LRP1B: variants seen among roughly 807,000 people sequenced by gnomAD.
LRP1B encodes LDL receptor related protein 1B.
Under a neutral mutation model 556.6 loss-of-function variants are expected in LRP1B, and 217 were observed. The ratio of observed to expected loss-of-function variants is 0.39; its 90% CI spans 0.35 to 0.44. LRP1B has a LOEUF of 0.44. Among genes scored for constraint, LRP1B ranks in the 20% least tolerant of loss-of-function variants. The pLI is 1.00. For missense variants in LRP1B, 5,053 were observed against 5,620.8 expected, an observed-to-expected ratio of 0.90 and a Z score of 3.23; for synonymous variants, 2,047 against 1,865.8, an observed-to-expected ratio of 1.10 and a Z score of -2.50.
intron 1 of LRP1B, among the ~76,000 whole-genome samples, chr2:141,997,482 T>C (rs1702531487): frequency 6.8e-6 from 1 of 146,968 alleles, no homozygotes; most frequent in Non-Finnish European, 1.5e-5. Flanking sequence ...GTAGAACACA[T>C]TTTTATTTTT....
intron 35 of LRP1B, among the ~76,000 whole-genome samples, chr2:140,760,030 G>C (rs1688861984): frequency 6.6e-6 from 1 of 152,146 alleles, no homozygotes; most frequent in Non-Finnish European, 1.5e-5. Context: ...TTCAAAGAAT[G>C]GTTGGAAGAA....
At chr2:141,889,939 C>G (rs981060039) in intron 1 of LRP1B, among the ~76,000 whole-genome samples, 2 of 151,960 alleles carry the variant, frequency 1.3e-5, no homozygotes, top group Non-Finnish European at 2.9e-5. Flanking sequence ...TGACACTGTA[C>G]CACACTGTGA....
chr2:140,364,270 G>A (rs1409782054), intron 72 of LRP1B, among the ~76,000 whole-genome samples: 1 of 151,452 alleles, frequency 6.6e-6, no homozygotes, highest in African/African-American at 2.4e-5. Flanking sequence ...GAAACTATGA[G>A]ATTTTATTAT....
At chr2:142,008,793 C>T (rs542899607) in intron 1 of LRP1B, among the ~76,000 whole-genome samples, 91 of 152,018 alleles carry the variant, frequency 6.0e-4, no homozygotes, top group Non-Finnish European at 1.2e-3. Flanking sequence ...TAGACCCCTG[C>T]CTTACATGTT....
intron 2 of LRP1B, among the ~76,000 whole-genome samples, chr2:141,793,375 C>T (rs1322939878): frequency 2.6e-5 from 4 of 151,850 alleles, no homozygotes; most frequent in Admixed American, 6.6e-5. Context: ...ACTACTTAAA[C>T]ACATTGAACA....
chr2:141,882,525 T>C (rs1017103762), intron 1 of LRP1B, among the ~76,000 whole-genome samples: 1 of 152,100 alleles, frequency 6.6e-6, no homozygotes, highest in Non-Finnish European at 1.5e-5. Flanking sequence ...ATTTTAATAA[T>C]AAACTAAGTT....
intron 7 of LRP1B, among the ~76,000 whole-genome samples, chr2:141,141,161 GATTTATAAGAA>G (rs1240592937): frequency 1.3e-5 from 2 of 152,112 alleles, no homozygotes; most frequent in East Asian, 3.8e-4. Context: ...GAATACAGAA[GATTTATAAGAA>G]CCTCAGTTTA....
At chr2:140,358,792 C>G (rs1208436985) in intron 73 of LRP1B, 29 bp downstream of exon 73, 1 of 1,602,758 alleles carries the variant, frequency 6.2e-7, no homozygotes, top group Admixed American at 1.7e-5. Context: ...ATAGCCATCA[C>G]TGAATTATTT....
chr2:141,499,094 T>C (rs1040323750), intron 2 of LRP1B, among the ~76,000 whole-genome samples: 3 of 152,116 alleles, frequency 2.0e-5, no homozygotes, highest in African/African-American at 7.2e-5. Context: ...CCCTTGTTAA[T>C]AATGTGGTTA....
intron 29 of LRP1B, among the ~76,000 whole-genome samples, chr2:140,842,752 T>C (rs1216135336): frequency 6.6e-6 from 1 of 152,154 alleles, no homozygotes; most frequent in Non-Finnish European, 1.5e-5. Context: ...TGAGAGGCTG[T>C]ATTGATGTAA....
chr2:141,540,938 A>G (rs1685235849), intron 2 of LRP1B, among the ~76,000 whole-genome samples: 1 of 152,078 alleles, frequency 6.6e-6, no homozygotes. Flanking sequence ...CCCTGTTGAC[A>G]AAATGAAAAT....
intron 66 of LRP1B, among the ~76,000 whole-genome samples, chr2:140,390,692 G>T (rs1351462798): frequency 1.3e-5 from 2 of 151,662 alleles, no homozygotes; most frequent in Non-Finnish European, 2.9e-5. Flanking sequence ...ACATATCTTA[G>T]AAAGGAATTA....
intron 6 of LRP1B, among the ~76,000 whole-genome samples, chr2:141,200,235 T>G (rs1362270784): frequency 6.6e-6 from 1 of 151,204 alleles, no homozygotes; most frequent in Non-Finnish European, 1.5e-5. Context: ...CAAAGAAAAC[T>G]ATGTAGCCAC....
intron 3 of LRP1B, among the ~76,000 whole-genome samples, chr2:141,421,054 T>C (rs2104963206): frequency 6.6e-6 from 1 of 152,318 alleles, no homozygotes; most frequent in African/African-American, 2.4e-5. Flanking sequence ...TGTGCTCTCC[T>C]GGAATACCAC....
chr2:140,791,765 G>T (rs1024573278), intron 32 of LRP1B, among the ~76,000 whole-genome samples: 2 of 152,140 alleles, frequency 1.3e-5, no homozygotes, highest in African/African-American at 4.8e-5. Flanking sequence ...AGATTGCCTT[G>T]TATCAGACCT....
chr2:141,475,072 T>G (rs2105077800), intron 3 of LRP1B, among the ~76,000 whole-genome samples: 1 of 152,208 alleles, frequency 6.6e-6, no homozygotes, highest in African/African-American at 2.4e-5. Flanking sequence ...CACAGACATT[T>G]AAATATATTA....
chr2:141,971,733 T>C (rs533292783), intron 1 of LRP1B, among the ~76,000 whole-genome samples: 172 of 151,662 alleles, frequency 1.1e-3, no homozygotes, highest in Admixed American at 2.2e-3. Context: ...ATAGTTATTA[T>C]TGTAAATACA....
At chr2:141,813,916 G>GT (rs1696441060) in intron 1 of LRP1B, among the ~76,000 whole-genome samples, 1 of 152,046 alleles carries the variant, frequency 6.6e-6, no homozygotes, top group African/African-American at 2.4e-5. Context: ...TAGGTTTGGG[G>GT]TTTTTATGGA....
intron 41 of LRP1B, among the ~76,000 whole-genome samples, chr2:140,628,112 T>C (rs1181833604): frequency 6.6e-6 from 1 of 152,212 alleles, no homozygotes; most frequent in African/African-American, 2.4e-5. Flanking sequence ...AGAGATCAGA[T>C]GAAATGCGGT....
Sources: allele counts gnomAD v4.1 joint callset (sites outside exome capture counted in the v4.1 genomes callset), GRCh38; gene constraint gnomAD v4.1.1; transcripts MANE v1.5; gene names NCBI Gene and HGNC (gene_info 2026-07-23, HGNC 2026-07-21).